Variants in AK9 observed in about 807,000 individuals in gnomAD.
The protein encoded by AK9 is adenylate kinase domain containing 1.
AK9 carries 191 observed loss-of-function variants against 239.6 expected under a neutral mutation model. The ratio of observed to expected loss-of-function variants is 0.80; its 90% CI spans 0.71 to 0.90. The LOEUF (loss-of-function observed/expected upper bound fraction) is 0.90. Among genes scored for constraint, AK9 ranks in the 40% least tolerant of loss-of-function variants. The pLI is 0.00. For missense variants in AK9, 1,995 were observed against 2,214.7 expected (o/e 0.90, Z 1.99); for synonymous variants, 689 against 721.0 (o/e 0.96, Z 0.71).
At position 109,563,470 on chromosome 6, in the gene AK9, G is replaced by C; in HGVS notation, c.2751+127C>G. The C allele has an allele frequency of 3.7e-6, 5 of 1,363,490 alleles. 1 individual carries two copies. The Middle Eastern group carries it at 5.8e-4, about 157-fold the overall frequency. The allele number at this position is 1,363,490 out of a possible 1,614,324, so 84.5% of individuals were successfully genotyped here. A position where few individuals can be genotyped will look rare whatever the true frequency, so the allele number is the denominator to read the frequency against. On this transcript the variant is annotated intron_variant, in intron 24 of 40. Transcript: ENST00000424296. ...AGGGGGGTCAAGTGAAGCTGAGGCA[G>C]AGGGAGAATGTGTGTGCAAATGAGA...
chr6:109,496,521 TC>T (rs1379235013), intron 38 of AK9, among the ~76,000 whole-genome samples: 2 of 152,216 alleles, frequency 1.3e-5, no homozygotes, highest in African/African-American at 4.8e-5. Context: ...CAAACGCTTT[TC>T]AGCCCTTGTC....
rs770713760 is a variant in AK9 at position 109,499,187 on chromosome 6, G to A, written c.4903C>T (p.Arg1635Cys). ...LCITPQELLS[R>C]LGEFEQFCPV... ...CAGAACTGTTCAAATTCTCCCAGGC[G>A]AGAAAGCAGCTCTTGAGGTGTGATA... Residue 1635 changes from arginine to cysteine, a missense_variant, in exon 36 of 41, where the codon CGC becomes TGC. By Grantham distance (180) the Arg-to-Cys change is radical. Around this residue, in one of 5 missense-constraint regions of AK9, gnomAD observed 391 missense variants for 456.0 expected, o/e 0.86. Coordinates refer to ENST00000424296, the MANE Select transcript of AK9 (RefSeq NM_001145128.3). 54 of 1,595,286 alleles carry A rather than the reference G, an allele frequency of 3.4e-5. 1 individual carries two copies. The highest frequency in any genetic ancestry group is 4.0e-5 in the Non-Finnish European group (47 of 1,170,120).
chr6:109,548,806 C>G (rs1783936964), intron 25 of AK9, among the ~76,000 whole-genome samples: 1 of 152,284 alleles, frequency 6.6e-6, no homozygotes, highest in African/African-American at 2.4e-5. Flanking sequence ...AATCTTGAAG[C>G]ATTTGTTTGA....
intron 10 of AK9, among the ~76,000 whole-genome samples, chr6:109,637,674 C>CAGTTTCAGCTTTCTACATATGGCTAG (rs1796894718): frequency 6.6e-6 from 1 of 152,082 alleles, no homozygotes; most frequent in Non-Finnish European, 1.5e-5. Flanking sequence ...CCTAGATGAC[C>CAGTTTCAGCTTTCTACATATGGCTAG]CCATTTTGCA....
intron 19 of AK9, among the ~76,000 whole-genome samples, chr6:109,582,777 A>G (rs1231495213): frequency 6.6e-6 from 1 of 152,238 alleles, no homozygotes; most frequent in Non-Finnish European, 1.5e-5. Flanking sequence ...ATCAAACAAC[A>G]TTACATACTA....
intron 21 of AK9, among the ~76,000 whole-genome samples, chr6:109,569,498 C>G (rs916141357): frequency 1.3e-5 from 2 of 152,174 alleles, no homozygotes; most frequent in Admixed American, 1.3e-4. Flanking sequence ...AGGCAACCTA[C>G]AGAATGGGAG....
intron 5 of AK9, among the ~76,000 whole-genome samples, chr6:109,663,929 A>T (rs1800806762): frequency 6.6e-6 from 1 of 152,202 alleles, no homozygotes. Flanking sequence ...TCTATGTGAA[A>T]CTACATTTTC....
intron 8 of AK9, among the ~76,000 whole-genome samples, chr6:109,647,273 A>T (rs1343695318): frequency 3.3e-5 from 5 of 152,248 alleles, no homozygotes; most frequent in Non-Finnish European, 7.3e-5. Context: ...TAAATGCTCC[A>T]ATTAAAAGAC....
chr6:109,517,616 T>C (rs1779405578), intron 29 of AK9, among the ~76,000 whole-genome samples: 1 of 152,204 alleles, frequency 6.6e-6, no homozygotes, highest in Non-Finnish European at 1.5e-5. Context: ...ATGTCTGGCA[T>C]ATGGTAAGTA....
chr6:109,536,044 C>T (rs936862454), intron 27 of AK9, among the ~76,000 whole-genome samples: 3 of 152,148 alleles, frequency 2.0e-5, no homozygotes, highest in Non-Finnish European at 4.4e-5. Flanking sequence ...TAGCGTGATG[C>T]CTCCAGCTTT....
Position 109,516,435 on chromosome 6 carries a change from T to A in AK9, c.3841A>T (p.Ile1281Leu). 1 of 1,550,198 alleles carries A rather than the reference T, an allele frequency of 6.5e-7. No homozygotes were observed. The highest frequency in any genetic ancestry group is 8.7e-7 in the Non-Finnish European group (1 of 1,146,404). The change falls in exon 30 of 41, where the codon ATA becomes TTA. Residue 1281 changes from isoleucine to leucine, a missense_variant. Transcript: ENST00000424296. ...AGCAAAGGAAAAGTAATAACCTGTA[T>A]TATTTGTAAATTATGTGTATCTGCT... ...FEADTHNLQIIQDELERYLIP... is the reference protein window; with the variant it reads ...FEADTHNLQILQDELERYLIP...
intron 10 of AK9, among the ~76,000 whole-genome samples, chr6:109,640,541 G>C (rs999078064): frequency 6.6e-6 from 1 of 151,666 alleles, no homozygotes; most frequent in Non-Finnish European, 1.5e-5. Context: ...GCAGACTGGA[G>C]CTGTTCCTAT....
rs557979691 is a variant in AK9 at position 109,568,141 on chromosome 6, C to T, written c.2345-3296G>A. Among the ~76,000 whole-genome samples, 478 of 152,184 alleles carry T rather than the reference C, an allele frequency of 3.1e-3. 3 individuals are homozygous for T. Among genetic ancestry groups the T allele is most frequent in the African/African-American group, 0.011 (456 of 41,530 alleles). On this transcript the variant is annotated intron_variant, in intron 21 of 40. Transcript: ENST00000424296. The stretch of plus-strand genomic sequence containing the variant: ...GGTTCAACATACACAAATCAATAAA[C>T]GTAATCCAGCATATAAACACAACAA...
intron 18 of AK9, 105 bp downstream of exon 18, chr6:109,585,811 G>T: frequency 9.4e-7 from 1 of 1,065,176 alleles, no homozygotes; most frequent in African/African-American, 1.6e-5. Flanking sequence ...TGCTGGGGTG[G>T]GTATTTCTAT....
intron 1 of AK9, among the ~76,000 whole-genome samples, chr6:109,687,333 C>T (rs986293315): frequency 2.6e-5 from 4 of 152,184 alleles, no homozygotes; most frequent in African/African-American, 9.7e-5. Context: ...CCTAATCTGA[C>T]CTCCAGTGAG....
chr6:109,614,356 T>C (rs1170689020), intron 14 of AK9, 29 bp downstream of exon 14: 1 of 1,548,580 alleles, frequency 6.5e-7, no homozygotes, highest in Non-Finnish European at 8.7e-7. Context: ...GATGATTTGG[T>C]CAATAACATC....
chr6:109,534,226 A>G (rs1022659449), intron 27 of AK9, among the ~76,000 whole-genome samples: 3 of 148,774 alleles, frequency 2.0e-5, no homozygotes, highest in Non-Finnish European at 4.4e-5. Flanking sequence ...TTCTCAAAAA[A>G]AAAAAAGAAA....
In AK9 at chr6:109,657,234, C is replaced by T. The variant is rs143842946; in HGVS notation, c.631-350G>A. The stretch of plus-strand genomic sequence containing the variant: ...CATTCATTCAAGTATTTATTGAGTG[C>T]CTTCTATGCATCAGGCACTGTTCTA... On this transcript the variant is annotated intron_variant, in intron 7 of 40. Transcript: ENST00000424296. Among the ~76,000 whole-genome samples, 24 of 152,238 alleles carry T rather than the reference C, an allele frequency of 1.6e-4. No individual in the cohort carries two copies. The East Asian group carries it at 3.7e-3, about 23-fold the overall frequency.
At position 109,499,181 on chromosome 6, in the gene AK9, C is replaced by T. The variant is rs777391253; in HGVS notation, c.4909G>A (p.Gly1637Arg). 4 of 1,592,194 alleles carry T rather than the reference C, an allele frequency of 2.5e-6. No homozygotes were observed. Among genetic ancestry groups the T allele is most frequent in the African/African-American group, 2.7e-5 (2 of 74,082 alleles). ...ACAGGGCAGAACTGTTCAAATTCTC[C>T]CAGGCGAGAAAGCAGCTCTTGAGGT... is the stretch of plus-strand genomic sequence containing the variant. ...ITPQELLSRL[G>R]EFEQFCPVSL... Residue 1637 changes from glycine to arginine, a missense_variant, in exon 36 of 41, where the codon GGA (glycine) becomes AGA (arginine). By Grantham distance (125) the Gly-to-Arg change is moderately radical (BLOSUM62 -2). Around this residue, in one of 5 missense-constraint regions of AK9, gnomAD observed 391 missense variants for 456.0 expected, o/e 0.86. Transcript: ENST00000424296.
Sources: allele counts gnomAD v4.1 joint callset (sites outside exome capture counted in the v4.1 genomes callset), GRCh38; gene constraint gnomAD v4.1.1; regional missense constraint gnomAD v4.1.1; transcripts MANE v1.5; gene names NCBI Gene and HGNC (gene_info 2026-07-23, HGNC 2026-07-21).